Variants in NRG3 observed in about 807,000 individuals in gnomAD.
NRG3 encodes the protein pro-neuregulin-3, membrane-bound isoform.
NRG3 carries 31 observed loss-of-function variants against 66.9 expected under a neutral mutation model. The observed-to-expected ratio is 0.46, with a 90% CI of 0.35 to 0.63. NRG3 has a LOEUF of 0.63. Ranked by LOEUF, NRG3 falls within the 20% of genes least tolerant of loss-of-function variation. The probability of loss-of-function intolerance (pLI) is 0.00; values close to 1 mark genes in which losing one functional copy is unlikely to be tolerated. For synonymous variants in NRG3, 393 were observed against 359.4 expected (o/e 1.09, Z -1.06); for missense variants, 910 against 878.9 (o/e 1.04, Z -0.45).
chr10:82,291,550 G>T (rs891492648), intron 1 of NRG3, among the ~76,000 whole-genome samples: 1 of 152,204 alleles, frequency 6.6e-6, no homozygotes, highest in Non-Finnish European at 1.5e-5. Flanking sequence ...GAATTACTTT[G>T]CTGAATATTA....
chr10:82,376,324 G>A (rs1437597506), intron 2 of NRG3, among the ~76,000 whole-genome samples: 1 of 152,184 alleles, frequency 6.6e-6, no homozygotes, highest in Non-Finnish European at 1.5e-5. Flanking sequence ...TTTTAAAGCT[G>A]CCTAAGTGAT....
chr10:82,775,298 G>A (rs1291806657), intron 3 of NRG3, among the ~76,000 whole-genome samples: 1 of 149,802 alleles, frequency 6.7e-6, no homozygotes, highest in Non-Finnish European at 1.5e-5. Context: ...GTTTTTATAT[G>A]TTGTGTTTCT....
rs1353455635 is a variant in NRG3 at position 82,388,849 on chromosome 10, C to T, written c.953+29981C>T. Among the ~76,000 whole-genome samples the T allele has an allele frequency of 4.6e-5, 7 of 152,276 alleles. No homozygotes were observed. In the South Asian group the frequency reaches 1.0e-3, roughly 23 times the overall value. On this transcript the variant is annotated intron_variant, in intron 2 of 8. Coordinates refer to ENST00000372141, the MANE Select transcript of NRG3 (RefSeq NM_001010848.4). Reference sequence around the variant, plus strand: ...TCACAAACTAAGCTCTCCATACCATCGGCATCAAAGTCATTTGCTGGAGTG... The same window carrying T: ...TCACAAACTAAGCTCTCCATACCATTGGCATCAAAGTCATTTGCTGGAGTG...
intron 5 of NRG3, among the ~76,000 whole-genome samples, chr10:82,954,897 CCTTA>C (rs768845259): frequency 6.6e-6 from 1 of 151,468 alleles, no homozygotes. Context: ...CTTGACCTTC[CCTTA>C]CTTTCACTCA....
At chr10:82,392,134 C>G (rs1226928609) in intron 2 of NRG3, among the ~76,000 whole-genome samples, 1 of 152,028 alleles carries the variant, frequency 6.6e-6, no homozygotes, top group East Asian at 1.9e-4. Flanking sequence ...TTATCACACT[C>G]TGCTGTCTTC....
chr10:82,015,532 GT>G (rs2061750552), intron 1 of NRG3, among the ~76,000 whole-genome samples: 1 of 152,020 alleles, frequency 6.6e-6, no homozygotes. Flanking sequence ...CATGGGGGTG[GT>G]TTCCCCCATG....
Position 82,737,151 on chromosome 10 carries a change from T to A in NRG3, c.954-1426T>A, listed in dbSNP as rs575004713. Among the ~76,000 whole-genome samples, 3 of 152,344 alleles carry A rather than the reference T, an allele frequency of 2.0e-5. 1 individual carries two copies. The South Asian group carries it at 6.2e-4, about 32-fold the overall frequency. On this transcript the variant is annotated intron_variant, in intron 2 of 8. Coordinates refer to ENST00000372141, the MANE Select transcript of NRG3 (RefSeq NM_001010848.4). Reference sequence around the variant, plus strand: ...TTTTAAAAGGTTATGAAAATGTGTTTATGCTTTAAAAAAATCATTTCAGTA... The same window carrying A: ...TTTTAAAAGGTTATGAAAATGTGTTAATGCTTTAAAAAAATCATTTCAGTA...
intron 8 of NRG3, among the ~76,000 whole-genome samples, chr10:82,981,917 T>C (rs191095169): frequency 5.9e-4 from 90 of 152,310 alleles, no homozygotes; most frequent in African/African-American, 1.7e-3. Flanking sequence ...CTACCACACC[T>C]AGCTAGCAAC....
chr10:82,885,348 G>A (rs1164189817), intron 4 of NRG3, among the ~76,000 whole-genome samples: 2 of 152,140 alleles, frequency 1.3e-5, no homozygotes, highest in East Asian at 3.9e-4. Context: ...CAGTGTGCCT[G>A]CTGGGTCACA....
At chr10:82,778,625 G>A (rs1166378901) in intron 3 of NRG3, among the ~76,000 whole-genome samples, 1 of 152,180 alleles carries the variant, frequency 6.6e-6, no homozygotes, top group Non-Finnish European at 1.5e-5. Flanking sequence ...GAGATTTTGG[G>A]TGGGGACACA....
intron 1 of NRG3, among the ~76,000 whole-genome samples, chr10:82,045,966 T>C (rs2063272733): frequency 6.6e-6 from 1 of 151,338 alleles, no homozygotes; most frequent in Non-Finnish European, 1.5e-5. Context: ...TTTTGGTTAC[T>C]GTAGTCTTGT....
intron 2 of NRG3, among the ~76,000 whole-genome samples, chr10:82,713,662 A>G (rs1254346321): frequency 6.6e-6 from 1 of 152,244 alleles, no homozygotes; most frequent in Non-Finnish European, 1.5e-5. Context: ...AAGTGCATAC[A>G]TGGGACTTGG....
At chr10:81,982,141 C>T (rs2060351896) in intron 1 of NRG3, among the ~76,000 whole-genome samples, 1 of 152,156 alleles carries the variant, frequency 6.6e-6, no homozygotes, top group Admixed American at 6.5e-5. Flanking sequence ...AGAAACTAGA[C>T]TGTACCTTCA....
At chr10:82,386,841 C>A (rs573729956) in intron 2 of NRG3, among the ~76,000 whole-genome samples, 1 of 152,138 alleles carries the variant, frequency 6.6e-6, no homozygotes, top group East Asian at 1.9e-4. Flanking sequence ...GCTCTGTCGC[C>A]CAGGCTGGAG....
intron 2 of NRG3, among the ~76,000 whole-genome samples, chr10:82,573,476 T>G (rs922290730): frequency 7.2e-5 from 11 of 151,870 alleles, no homozygotes; most frequent in African/African-American, 2.7e-4. Context: ...AATACCATTT[T>G]AAATATTTTC....
At chr10:81,877,933 C>G in intron 1 of NRG3, 1 of 1,537,200 alleles carries the variant, frequency 6.5e-7, no homozygotes, top group Non-Finnish European at 8.7e-7. Flanking sequence ...GATTTTTGAT[C>G]TGCTCTTTTG....
At chr10:82,196,502 C>T (rs1033432005) in intron 1 of NRG3, among the ~76,000 whole-genome samples, 17 of 152,214 alleles carry the variant, frequency 1.1e-4, no homozygotes, top group African/African-American at 4.1e-4. Context: ...CATTACACAA[C>T]CCAATTTATC....
Position 82,487,099 on chromosome 10 carries a change from T to A in NRG3, c.953+128231T>A, listed in dbSNP as rs564317562. Among the ~76,000 whole-genome samples, 180 of 148,216 alleles carry A rather than the reference T, an allele frequency of 1.2e-3. 1 individual carries two copies. The highest frequency in any genetic ancestry group is 4.1e-3 in the African/African-American group (169 of 40,830). On this transcript the variant is annotated intron_variant, in intron 2 of 8. Coordinates refer to ENST00000372141, the MANE Select transcript of NRG3 (RefSeq NM_001010848.4). ...ATATATAATACACTATATATATCTA[T>A]TATATAGATATATCTATTATATAGA...
At chr10:82,758,985 G>T (rs936452716) in intron 3 of NRG3, among the ~76,000 whole-genome samples, 34 of 152,002 alleles carry the variant, frequency 2.2e-4, no homozygotes, top group African/African-American at 7.5e-4. Context: ...CTTTGGATAT[G>T]GTTTGTCCCT....
Sources: gnomAD v4.1 joint callset for allele counts (sites outside exome capture counted in the v4.1 genomes callset) on GRCh38, gnomAD v4.1.1 for gene constraint, MANE v1.5 for transcripts, NCBI Gene and HGNC (gene_info 2026-07-23, HGNC 2026-07-21) for gene names.